The following SPAG6 variants were observed in gnomAD, a reference collection of about 807,000 sequenced individuals.
The protein encoded by SPAG6 is sperm associated antigen 6, also known as sperm-associated antigen 6.
A neutral mutation model predicts 58.5 loss-of-function variants in SPAG6; 49 were observed. The ratio of observed to expected loss-of-function variants is 0.84; its 90% CI spans 0.67 to 1.06. The LOEUF (loss-of-function observed/expected upper bound fraction) is 1.06. Ranked by LOEUF, SPAG6 falls within the 50% of genes least tolerant of loss-of-function variation. The pLI, the probability that SPAG6 is intolerant of heterozygous loss-of-function variation, is 0.00. For missense variants in SPAG6, 560 were observed against 611.3 expected (o/e 0.92, Z 0.89); for synonymous variants, 233 against 225.6 (o/e 1.03, Z -0.29).
chr10:22,346,086 T>G (rs1836519496), intron 2 of SPAG6: 5 of 1,502,334 alleles, frequency 3.3e-6, no homozygotes, highest in Middle Eastern at 1.7e-4. Context: ...AGGAATTGCC[T>G]GGAGTCATTT....
At chr10:22,360,888 TTTCCTTCCTTCC>T (rs529451315) in intron 2 of SPAG6, 4 of 1,279,034 alleles carry the variant, frequency 3.1e-6, no homozygotes, top group South Asian at 2.6e-5. Context: ...TTTCTTTTTA[TTTCCTTCCTTCC>T]TTCCTTCCTT....
intron 2 of SPAG6, among the ~76,000 whole-genome samples, chr10:22,356,463 G>A (rs1230981800): frequency 1.3e-5 from 2 of 152,192 alleles, no homozygotes; most frequent in Non-Finnish European, 2.9e-5. Flanking sequence ...GCTCCCCAGT[G>A]ACTTTCCTTT....
At chr10:22,398,394 T>C (rs1411961623) in intron 8 of SPAG6, among the ~76,000 whole-genome samples, 1 of 149,814 alleles carries the variant, frequency 6.7e-6, no homozygotes, top group Admixed American at 6.6e-5. Context: ...TGATAAATTA[T>C]ATTTCATCAA....
chr10:22,416,129 A>T lies in SPAG6; in HGVS notation c.1461-490A>T, dbSNP rs1374954560. On this transcript the variant is annotated intron_variant, in intron 10 of 10. Transcript: ENST00000376624. ...TAAATAGTTTTTCAATATGAATTAT[A>T]CTTCCAGAAATTTTTGTTTTCCTAG... Among the ~76,000 whole-genome samples, 3 of 152,276 alleles carry T rather than the reference A, an allele frequency of 2.0e-5. No individual in the cohort carries two copies. In the East Asian group the frequency reaches 5.8e-4, roughly 29 times the overall value.
intron 2 of SPAG6, among the ~76,000 whole-genome samples, chr10:22,348,866 T>G (rs1292569449): frequency 1.3e-5 from 2 of 152,186 alleles, no homozygotes; most frequent in African/African-American, 4.8e-5. Flanking sequence ...AGGGTTTCAC[T>G]CTGTCGCCCA....
At position 22,387,991 on chromosome 10, in the gene SPAG6, C is replaced by T. The variant is rs1475635231; in HGVS notation, c.847C>T (p.Pro283Ser). 5.6e-6 allele frequency: 9 copies of T among 1,598,648 alleles called. No individual in the cohort carries two copies. The Admixed American group carries it at 7.1e-5, about 13-fold the overall frequency. Residue 283 changes from proline to serine, a missense_variant, in exon 6 of 11, where the codon CCC becomes TCC. Coordinates refer to ENST00000376624, the MANE Select transcript of SPAG6 (RefSeq NM_012443.4). ...TLIREIAKHT[P>S]ELSQLVVNAG... is the part of the protein sequence containing the mutation. ...AATTAGAGAGATTGCAAAACATACACCCGAGGTGAAAAGAAACTTCAAGGC... is the reference window on the plus strand; with the variant it reads ...AATTAGAGAGATTGCAAAACATACATCCGAGGTGAAAAGAAACTTCAAGGC...
intron 2 of SPAG6, among the ~76,000 whole-genome samples, chr10:22,357,915 CA>C (rs1050929024): frequency 4.6e-5 from 7 of 152,022 alleles, no homozygotes; most frequent in African/African-American, 7.3e-5. Flanking sequence ...GACCTGAGCT[CA>C]TCATTTTTTA....
intron 2 of SPAG6, chr10:22,361,110 A>G (rs1343635791): frequency 7.9e-6 from 3 of 378,862 alleles, no homozygotes; most frequent in Admixed American, 8.7e-5. Flanking sequence ...TTGGGGTACT[A>G]TTTTTGACTA....
chr10:22,414,811 G>A (rs1376414872), intron 10 of SPAG6, among the ~76,000 whole-genome samples: 1 of 152,160 alleles, frequency 6.6e-6, no homozygotes, highest in Non-Finnish European at 1.5e-5. Context: ...TTGTTGCCCA[G>A]ACTGGAGTTC....
chr10:22,385,304 CT>C (rs528042349), intron 4 of SPAG6, among the ~76,000 whole-genome samples: 7 of 152,256 alleles, frequency 4.6e-5, no homozygotes, highest in African/African-American at 1.7e-4. Flanking sequence ...ATCCCAGAGG[CT>C]GTTTCTGAGG....
chr10:22,347,474 G>A (rs970418909), intron 2 of SPAG6, among the ~76,000 whole-genome samples: 5 of 152,158 alleles, frequency 3.3e-5, no homozygotes, highest in African/African-American at 7.2e-5. Context: ...AATGACCTTT[G>A]TGAATGGACA....
intron 4 of SPAG6, 111 bp from the exon 5 acceptor site, chr10:22,386,643 G>A (rs926161556): frequency 1.3e-6 from 1 of 774,004 alleles, no homozygotes. Context: ...GATGTTGAGA[G>A]AGTGAAGTAC....
rs775334489 is a variant in SPAG6, at chr10:22,391,681, A to G, written c.1006-48A>G. 8 of 1,550,788 alleles carry G rather than the reference A, an allele frequency of 5.2e-6. No homozygotes were observed. The East Asian group carries it at 1.6e-4, about 30-fold the overall frequency. On this transcript the variant is annotated intron_variant, in intron 7 of 10. Transcript: ENST00000376624. ...GTTTGAGAGACATGGAAGACTCTTT[A>G]ATCCTGCTCTAGATTCATAACACTT...
intron 8 of SPAG6, among the ~76,000 whole-genome samples, chr10:22,399,599 T>C (rs1834366474): frequency 6.6e-6 from 1 of 152,238 alleles, no homozygotes; most frequent in Non-Finnish European, 1.5e-5. Context: ...TACATTTCTA[T>C]CTAGAAGAAT....
At chr10:22,407,870 C>T (rs1264357510) in intron 9 of SPAG6, among the ~76,000 whole-genome samples, 2 of 151,580 alleles carry the variant, frequency 1.3e-5, no homozygotes, top group Non-Finnish European at 2.9e-5. Flanking sequence ...CTTCCTTTCT[C>T]GCTTCATTTC....
chr10:22,384,839 A>G (rs1049403647), intron 4 of SPAG6, among the ~76,000 whole-genome samples: 5 of 152,226 alleles, frequency 3.3e-5, no homozygotes, highest in Non-Finnish European at 7.3e-5. Flanking sequence ...AGGACATTGC[A>G]CTCAAGAATT....
chr10:22,411,291 A>C, intron 10 of SPAG6, 115 bp downstream of exon 10: 1 of 760,068 alleles, frequency 1.3e-6, no homozygotes, highest in East Asian at 2.8e-5. Context: ...ATGTGAGGCC[A>C]ATATGTACCT....
intron 2 of SPAG6, among the ~76,000 whole-genome samples, chr10:22,357,350 C>T (rs1403983142): frequency 2.0e-5 from 3 of 152,028 alleles, no homozygotes; most frequent in Non-Finnish European, 4.4e-5. Flanking sequence ...TCCTTGAGGT[C>T]AAGGACAATT....
intron 9 of SPAG6, among the ~76,000 whole-genome samples, chr10:22,410,762 G>T (rs1019869453): frequency 3.3e-5 from 5 of 152,158 alleles, no homozygotes; most frequent in Non-Finnish European, 7.4e-5. Context: ...GACCTTGAAT[G>T]GTGTAAGCTT....
Sources: gnomAD v4.1 joint callset for allele counts (sites outside exome capture counted in the v4.1 genomes callset) on GRCh38, gnomAD v4.1.1 for gene constraint, MANE v1.5 for transcripts, NCBI Gene and HGNC (gene_info 2026-07-23, HGNC 2026-07-21) for gene names.